TMEM233: variants seen among roughly 807,000 people sequenced by gnomAD.
The protein encoded by TMEM233 is dispanin subfamily B member 2.
Under a neutral mutation model 11.2 loss-of-function variants are expected in TMEM233, and 6 were observed. The observed-to-expected ratio is 0.54, with a 90% CI of 0.29 to 1.06. The LOEUF is 1.06. TMEM233 is among the 50% of genes least tolerant of loss of function. TMEM233 has a pLI of 0.08. For missense variants in TMEM233, 127 were observed against 144.7 expected, an observed-to-expected ratio of 0.88 and a Z score of 0.63; for synonymous variants, 59 against 55.8, an observed-to-expected ratio of 1.06 and a Z score of -0.26.
chr12:119,597,299 C>T (rs999353069), intron 1 of TMEM233, among the ~76,000 whole-genome samples: 3 of 152,138 alleles, frequency 2.0e-5, no homozygotes, highest in African/African-American at 7.2e-5. Context: ...TGGAAAAAGC[C>T]GAAGTACTAA....
chr12:119,652,243 C>T, the TMEM233 span, among the ~76,000 whole-genome samples: 15 of 152,152 alleles, frequency 9.9e-5, no homozygotes, highest in Non-Finnish European at 2.2e-4. Flanking sequence ...GAATCAGTCA[C>T]ATTGTATGGA....
In TMEM233 at chr12:119,593,930, G is replaced by C. The variant is rs1385677168; in HGVS notation, c.82G>C (p.Glu28Gln). 6.4e-7 allele frequency: 1 copy of C among 1,551,622 alleles called. No homozygotes were observed. The highest frequency in any genetic ancestry group is 8.7e-7 in the Non-Finnish European group (1 of 1,146,998). The change falls in exon 1 of 3, where the codon GAG becomes CAG. Residue 28 changes from glutamate to glutamine, a missense_variant. Glu to Gln is a conservative substitution (Grantham distance 29, BLOSUM62 2). Coordinates refer to ENST00000426426, the MANE Select transcript of TMEM233 (RefSeq NM_001136534.3). This position sits in a 1 kb window ranked among gnomAD's most constrained non-coding sequence, Gnocchi z 4.1. ...GGCCAACACTGAAGATGACAAGACC[G>C]AGGAGGACGTGCCCATGCCCAAGAA... ...PEANTEDDKT[E>Q]EDVPMPKNYL...
the TMEM233 span, among the ~76,000 whole-genome samples, chr12:119,652,795 G>C: frequency 2.0e-5 from 3 of 152,334 alleles, no homozygotes; most frequent in East Asian, 5.8e-4. Context: ...ATTGATCAGT[G>C]CTGGGGAGGC....
rs189517626 is a variant in TMEM233 at position 119,607,360 on chromosome 12, C to T, written c.186+13326C>T. ...GAGCTCCAGTGGCGCAATCGGTTAG[C>T]GCGCGGTATTTCTACAATATCACCT... On this transcript the variant is annotated intron_variant, in intron 1 of 2. Coordinates refer to ENST00000426426, the MANE Select transcript of TMEM233 (RefSeq NM_001136534.3). 5.3e-5 allele frequency among the ~76,000 whole-genome samples: 8 copies of T among 152,246 alleles called. No homozygotes were observed. In the East Asian group the frequency reaches 9.6e-4, roughly 18 times the overall value.
At chr12:119,627,934 G>A (rs754945714) in intron 1 of TMEM233, among the ~76,000 whole-genome samples, 1 of 152,020 alleles carries the variant, frequency 6.6e-6, no homozygotes, top group Non-Finnish European at 1.5e-5. Context: ...TCAGGGCCAC[G>A]ACCCAGAAGT....
At position 119,594,989 on chromosome 12, in the gene TMEM233, C is replaced by T. The variant is rs377476537; in HGVS notation, c.186+955C>T. Among the ~76,000 whole-genome samples the T allele has an allele frequency of 2.0e-5, 3 of 152,200 alleles. No individual in the cohort carries two copies. In the East Asian group the frequency reaches 5.8e-4, roughly 29 times the overall value. On this transcript the variant is annotated intron_variant, in intron 1 of 2. Transcript: ENST00000426426. The surrounding 1 kb of genome is among the most constrained non-coding windows in gnomAD (Gnocchi z 5.6). ...GAACTAGGGGATTCCACGCAACGTG[C>T]GGCTCCGCCCGCCCTCTGCGCTCAG...
chr12:119,636,559 C>G (rs1230212258), intron 2 of TMEM233, among the ~76,000 whole-genome samples: 5 of 152,102 alleles, frequency 3.3e-5, no homozygotes, highest in African/African-American at 1.2e-4. Flanking sequence ...CTCAAGTGAT[C>G]CTCCCACCTC....
At chr12:119,644,391 AAAAC>A (rs1955124645), downstream of TMEM233, among the ~76,000 whole-genome samples, 1 of 152,190 alleles carries the variant, frequency 6.6e-6, no homozygotes, top group Non-Finnish European at 1.5e-5. Context: ...ACAAACAAAA[AAAAC>A]AGCGTCCATA....
downstream of TMEM233, among the ~76,000 whole-genome samples, chr12:119,645,083 G>A (rs990740320): frequency 3.3e-5 from 5 of 152,082 alleles, no homozygotes; most frequent in African/African-American, 9.7e-5. Flanking sequence ...ACCATTCTTC[G>A]CAGTGCTGAG....
intron 1 of TMEM233, among the ~76,000 whole-genome samples, chr12:119,618,084 C>T (rs112551938): frequency 0.011 from 1,636 of 152,312 alleles, 32 homozygotes; most frequent in African/African-American, 0.037. Flanking sequence ...GTTTCAGCCC[C>T]AACTGTGGCT....
chr12:119,609,824 TC>T (rs1365050996), intron 1 of TMEM233, among the ~76,000 whole-genome samples: 5 of 152,250 alleles, frequency 3.3e-5, no homozygotes, highest in Non-Finnish European at 4.4e-5. Context: ...AGGAGTGAAG[TC>T]CTCATGAAGA....
At chr12:119,632,758 A>G (rs1154836) in intron 2 of TMEM233, among the ~76,000 whole-genome samples, 116,483 of 152,142 alleles carry the variant, frequency 0.77, 44,789 homozygotes, top group Middle Eastern at 0.85. Flanking sequence ...AAAATCTCCA[A>G]ATTTTTAGAT....
intron 1 of TMEM233, among the ~76,000 whole-genome samples, chr12:119,616,035 G>A (rs1954525330): frequency 1.3e-5 from 2 of 152,184 alleles, no homozygotes; most frequent in Admixed American, 6.5e-5. Flanking sequence ...TCCATCCAGG[G>A]AAGGGGTGTA....
At position 119,593,832 on chromosome 12, in the gene TMEM233, CG is replaced by C. The variant is rs1222321094; in HGVS notation, c.-16del. 2 of 1,549,216 alleles carry C rather than the reference CG, an allele frequency of 1.3e-6. No homozygotes were observed. The highest frequency in any genetic ancestry group is 2.4e-5 in the South Asian group (2 of 83,870). The stretch of plus-strand genomic sequence containing the variant: ...ACCGTGCGCTCCTCCGCCCTCCCGG[CG>C]CCGCCGGCCTCGCCCATGTCTCAGT... On this transcript the variant is annotated 5_prime_UTR_variant, in exon 1 of 3. Coordinates refer to ENST00000426426, the MANE Select transcript of TMEM233 (RefSeq NM_001136534.3). The surrounding 1 kb of genome is among the most constrained non-coding windows in gnomAD (Gnocchi z 4.1).
chr12:119,594,961 A>C lies in TMEM233; in HGVS notation c.186+927A>C, dbSNP rs1007603706. 6.6e-6 allele frequency among the ~76,000 whole-genome samples: 1 copy of C among 152,104 alleles called. No individual in the cohort carries two copies. Among genetic ancestry groups the C allele is most frequent in the South Asian group, 2.1e-4 (1 of 4,796 alleles). ...GTCCTGCGCCCGGGGCTCTCCCGGG[A>C]ATGAACTAGGGGATTCCACGCAACG... On this transcript the variant is annotated intron_variant, in intron 1 of 2. Transcript: ENST00000426426. This position sits in a 1 kb window ranked among gnomAD's most constrained non-coding sequence, Gnocchi z 5.6.
At chr12:119,652,912 A>G in the TMEM233 span, among the ~76,000 whole-genome samples, 1 of 152,192 alleles carries the variant, frequency 6.6e-6, no homozygotes, top group Non-Finnish European at 1.5e-5. Flanking sequence ...ACATCCAAGA[A>G]CTAGTATGTA....
downstream of TMEM233, among the ~76,000 whole-genome samples, chr12:119,648,055 A>G (rs988728626): frequency 3.9e-5 from 6 of 151,920 alleles, 1 homozygote; most frequent in South Asian, 1.2e-3. Context: ...TCCTCCATTC[A>G]TAACACCATT....
chr12:119,596,195 G>A lies in TMEM233; in HGVS notation c.186+2161G>A, dbSNP rs116084279. On this transcript the variant is annotated intron_variant, in intron 1 of 2. Transcript: ENST00000426426. ...CAGCCAAATTCTCCAGGCAGCAGCA[G>A]ACTGTCTGGCTGGCACTGGTGCCCA... Among the ~76,000 whole-genome samples the A allele has an allele frequency of 4.6e-3, 694 of 152,264 alleles. 5 individuals are homozygous for A. Among genetic ancestry groups the A allele is most frequent in the African/African-American group, 0.016 (662 of 41,546 alleles).
At chr12:119,648,179 G>A in the TMEM233 span, among the ~76,000 whole-genome samples, 1 of 151,904 alleles carries the variant, frequency 6.6e-6, no homozygotes, top group African/African-American at 2.4e-5. Context: ...CTCATCACTT[G>A]CTATTACACC....
Sources: gnomAD v4.1 joint callset for allele counts (sites outside exome capture counted in the v4.1 genomes callset) on GRCh38, gnomAD v4.1.1 for gene constraint, Gnocchi (gnomAD v3.1) non-coding constraint, MANE v1.5 for transcripts, NCBI Gene and HGNC (gene_info 2026-07-23, HGNC 2026-07-21) for gene names.